The following PPARA variants were observed in gnomAD, a reference collection of about 807,000 sequenced individuals.
The protein encoded by PPARA is peroxisome proliferator-activated receptor alpha.
A neutral mutation model predicts 42.2 loss-of-function variants in PPARA; 22 were observed. The observed-to-expected ratio is 0.52, with a 90% CI of 0.37 to 0.74. PPARA has a LOEUF of 0.74. Ranked by LOEUF, PPARA falls within the 30% of genes least tolerant of loss-of-function variation. PPARA has a pLI of 0.00. For missense variants in PPARA, 465 were observed against 608.2 expected (o/e 0.76, Z 2.48); for synonymous variants, 242 against 239.3 (o/e 1.01, Z -0.10).
Position 46,223,899 on chromosome 22 carries a change from G to A in PPARA, c.711+3885G>A, listed in dbSNP as rs180813561. On this transcript the variant is annotated intron_variant, in intron 7 of 8. Coordinates refer to ENST00000407236, the MANE Select transcript of PPARA (RefSeq NM_005036.6). ...TGGGAGGTGGAGGTTGCAGGGAGCC[G>A]AGATCACACCGGTGCACTCCAGCCT... is the stretch of plus-strand genomic sequence containing the variant. Among the ~76,000 whole-genome samples, 434 of 149,062 alleles carry A rather than the reference G, an allele frequency of 2.9e-3. 3 individuals carry two copies. Among genetic ancestry groups the A allele is most frequent in the African/African-American group, 0.01 (422 of 40,292 alleles).
chr22:46,226,227 G>A (rs1272068022), intron 7 of PPARA, among the ~76,000 whole-genome samples: 3 of 151,498 alleles, frequency 2.0e-5, no homozygotes, highest in Non-Finnish European at 4.4e-5. Context: ...TCACACACAC[G>A]TGCACACACA....
chr22:46,215,475 T>C (rs1934392134), intron 5 of PPARA, 142 bp downstream of exon 5: 1 of 1,066,396 alleles, frequency 9.4e-7, no homozygotes, highest in South Asian at 1.4e-5. Flanking sequence ...CGGTATCTCA[T>C]GCCTATAATT....
intron 3 of PPARA, among the ~76,000 whole-genome samples, chr22:46,190,000 C>T (rs1332295987): frequency 6.6e-6 from 1 of 152,212 alleles, no homozygotes; most frequent in East Asian, 1.9e-4. Flanking sequence ...CGACTGCGCC[C>T]AGCCGTGTTC....
chr22:46,203,445 G>A lies in PPARA; in HGVS notation c.208+4854G>A, dbSNP rs1932953157. The stretch of plus-strand genomic sequence containing the variant: ...ATAATTGACATACAATAAACTGCAT[G>A]TATTTAAAGTGTACAATCTGTTGGG... On this transcript the variant is annotated intron_variant, in intron 4 of 8. Coordinates refer to ENST00000407236, the MANE Select transcript of PPARA (RefSeq NM_005036.6). This position sits in a 1 kb window ranked among gnomAD's most constrained non-coding sequence, Gnocchi z 5.8. 6.6e-6 allele frequency among the ~76,000 whole-genome samples: 1 copy of A among 152,130 alleles called. No homozygotes were observed. Among genetic ancestry groups the A allele is most frequent in the South Asian group, 2.1e-4 (1 of 4,832 alleles).
At position 46,188,888 on chromosome 22, in the gene PPARA, A is replaced by G. The variant is rs1931177795; in HGVS notation, c.-42-9454A>G. 6.6e-6 allele frequency: 1 copy of G among 152,218 alleles called. No individual in the cohort carries two copies. Among genetic ancestry groups the G allele is most frequent in the Admixed American group, 6.5e-5 (1 of 15,278 alleles). The allele number at this position is 152,218 out of a possible 1,614,324, so 9.4% of individuals were successfully genotyped here. On this transcript the variant is annotated intron_variant, in intron 3 of 8. Coordinates refer to ENST00000407236, the MANE Select transcript of PPARA (RefSeq NM_005036.6). This position sits in a 1 kb window ranked among gnomAD's most constrained non-coding sequence, Gnocchi z 5.0. ...GTAAAGTTTGCCTGCCGTGTATCTG[A>G]TATATTTCTGCTAAAACCCATTAGG... is the stretch of plus-strand genomic sequence containing the variant.
rs14842 is a variant in PPARA, at chr22:46,243,560, A to T, written c.*8180A>T. 11,765 of 152,234 alleles carry T rather than the reference A, an allele frequency of 0.077. 588 individuals are homozygous for T. Among genetic ancestry groups the T allele is most frequent in the Non-Finnish European group, 0.11 (7,627 of 67,970 alleles). 9.4% of individuals were successfully genotyped at this position (152,234 alleles called of 1,614,324 possible). On this transcript the variant is annotated 3_prime_UTR_variant, in exon 9 of 9. Transcript: ENST00000407236. The surrounding 1 kb of genome is among the most constrained non-coding windows in gnomAD (Gnocchi z 5.0). ...AGAAAATGGCTATAAAATAACCTTA[A>T]TTTTAAAAAAAAATCTTGGGTCTTC...
rs1450124253 is a variant in PPARA, at chr22:46,224,152, A to G, written c.711+4138A>G. ...CATGTGACTCTTTGTGTTTGATCACACTGTTTGCTCCAAGCCAGGGTTGCG... is the reference window on the plus strand; with the variant it reads ...CATGTGACTCTTTGTGTTTGATCACGCTGTTTGCTCCAAGCCAGGGTTGCG... On this transcript the variant is annotated intron_variant, in intron 7 of 8. Coordinates refer to ENST00000407236, the MANE Select transcript of PPARA (RefSeq NM_005036.6). This position sits in a 1 kb window ranked among gnomAD's most constrained non-coding sequence, Gnocchi z 5.7. 1.3e-5 allele frequency among the ~76,000 whole-genome samples: 2 copies of G among 152,130 alleles called. No homozygotes were observed. The highest frequency in any genetic ancestry group is 2.9e-5 in the Non-Finnish European group (2 of 68,018).
intron 5 of PPARA, among the ~76,000 whole-genome samples, chr22:46,217,880 G>GAGTGC (rs1258463765): frequency 7.3e-6 from 1 of 137,344 alleles, no homozygotes; most frequent in African/African-American, 2.9e-5. Flanking sequence ...GCGCAGGCTG[G>GAGTGC]AGTGCAGTGG....
At chr22:46,226,637 G>T (rs1935478493) in intron 7 of PPARA, among the ~76,000 whole-genome samples, 1 of 152,298 alleles carries the variant, frequency 6.6e-6, no homozygotes, top group Admixed American at 6.5e-5. Context: ...TGGCATGCAA[G>T]TTGGGATTAA....
intron 2 of PPARA, chr22:46,155,015 AAAAAAAAAAAAAC>A (rs1383272538): frequency 1.3e-5 from 2 of 148,510 alleles, no homozygotes; most frequent in African/African-American, 2.5e-5. Flanking sequence ...AAAAAAAAAA[AAAAAAAAAAAAAC>A]CACATTAATT....
chr22:46,185,427 G>A (rs1040930763), intron 3 of PPARA, among the ~76,000 whole-genome samples: 2 of 152,090 alleles, frequency 1.3e-5, no homozygotes, highest in South Asian at 2.1e-4. Context: ...TGAACTTGGA[G>A]TGCCCTCATT....
intron 2 of PPARA, among the ~76,000 whole-genome samples, chr22:46,175,068 C>G (rs914560659): frequency 9.2e-5 from 14 of 151,978 alleles, no homozygotes; most frequent in Non-Finnish European, 1.6e-4. Context: ...TGCACCACAC[C>G]TGGCTCGTTT....
At chr22:46,179,642 A>C (rs1160191030) in intron 3 of PPARA, among the ~76,000 whole-genome samples, 3 of 152,210 alleles carry the variant, frequency 2.0e-5, no homozygotes, top group Admixed American at 1.3e-4. Flanking sequence ...AATCTTTGTG[A>C]CCTTGGTCTA....
rs1156551594 is a variant in PPARA, at chr22:46,216,093, T to C, written c.369+760T>C. On this transcript the variant is annotated intron_variant, in intron 5 of 8. Coordinates refer to ENST00000407236, the MANE Select transcript of PPARA (RefSeq NM_005036.6). The surrounding 1 kb of genome is among the most constrained non-coding windows in gnomAD (Gnocchi z 4.5). ...AGTGCATTCTTTAAAAGAAAATAAGTCACATTGGACCGGGTGCAGTGGCTC... is the reference window on the plus strand; with the variant it reads ...AGTGCATTCTTTAAAAGAAAATAAGCCACATTGGACCGGGTGCAGTGGCTC... 7.2e-5 allele frequency among the ~76,000 whole-genome samples: 11 copies of C among 152,036 alleles called. No homozygotes were observed.
chr22:46,174,249 A>AAGGAAGGAAGGAAGGAAGGAAGGAAG (rs1928615513), intron 2 of PPARA, among the ~76,000 whole-genome samples: 2 of 11,880 alleles, frequency 1.7e-4, no homozygotes, highest in Admixed American at 1.4e-3. Context: ...AAAGAAAGAA[A>AAGGAAGGAAGGAAGGAAGGAAGGAAG]GAAGGAAGGA....
chr22:46,217,218 T>C (rs1032277749), intron 5 of PPARA, among the ~76,000 whole-genome samples: 19 of 152,096 alleles, frequency 1.2e-4, no homozygotes, highest in Non-Finnish European at 5.9e-5. Context: ...GCCTCTCACA[T>C]TCCCCTGCAC....
In PPARA at chr22:46,180,417, T is replaced by A. The variant is rs989193412; in HGVS notation, c.-43+3581T>A. Among the ~76,000 whole-genome samples the A allele has an allele frequency of 1.3e-5, 2 of 152,184 alleles. No homozygotes were observed. Among genetic ancestry groups the A allele is most frequent in the Admixed American group, 1.3e-4 (2 of 15,270 alleles). ...ACCACTCCCCCACTGAAGTTAGAGT[T>A]AAGAAAGAATATTAATTTTCCTTGT... On this transcript the variant is annotated intron_variant, in intron 3 of 8. Coordinates refer to ENST00000407236, the MANE Select transcript of PPARA (RefSeq NM_005036.6). The surrounding 1 kb of genome is among the most constrained non-coding windows in gnomAD (Gnocchi z 4.2).
rs1333561497 is a variant in PPARA at position 46,162,143 on chromosome 22, G to A, written c.-127+10173G>A. On this transcript the variant is annotated intron_variant, in intron 2 of 8. Transcript: ENST00000407236. The surrounding 1 kb of genome is among the most constrained non-coding windows in gnomAD (Gnocchi z 6.0). ...CTCTCAGATGCAGACAGATTTTTCA[G>A]CTGGCCTGTGGCTCAGTTTCCCTCA... Among the ~76,000 whole-genome samples the A allele has an allele frequency of 1.3e-5, 2 of 152,216 alleles. No individual in the cohort carries two copies. The highest frequency in any genetic ancestry group is 1.3e-4 in the Admixed American group (2 of 15,284).
chr22:46,186,469 G>A (rs1286036066), intron 3 of PPARA, among the ~76,000 whole-genome samples: 1 of 152,174 alleles, frequency 6.6e-6, no homozygotes, highest in Non-Finnish European at 1.5e-5. Context: ...GGCGTGGGCT[G>A]GGGGCCGAGG....
Sources: allele counts gnomAD v4.1 joint callset (sites outside exome capture counted in the v4.1 genomes callset), GRCh38; gene constraint gnomAD v4.1.1; non-coding constraint Gnocchi (gnomAD v3.1); transcripts MANE v1.5; gene names NCBI Gene and HGNC (gene_info 2026-07-23, HGNC 2026-07-21).